GALNT13: variants seen among roughly 807,000 people sequenced by gnomAD.
GALNT13 encodes the protein UDP-GalNAc:polypeptide N-acetylgalactosaminyltransferase 13.
In GALNT13, 28 loss-of-function variants were observed where a neutral mutation model predicts 64.2. The observed-to-expected ratio is 0.44, with a 90% confidence interval of 0.32 to 0.60. The LOEUF is 0.60. Ranked by LOEUF, GALNT13 falls within the 20% of genes least tolerant of loss-of-function variation. GALNT13 has a pLI of 0.05. For missense variants in GALNT13, 577 were observed against 669.8 expected (o/e 0.86, Z 1.53); for synonymous variants, 214 against 224.6 (o/e 0.95, Z 0.42).
At chr2:153,839,291 C>T in the GALNT13 span, among the ~76,000 whole-genome samples, 1 of 151,684 alleles carries the variant, frequency 6.6e-6, no homozygotes, top group South Asian at 2.1e-4. Context: ...ACTTCTAGTA[C>T]TATATTGAAT....
chr2:153,501,940 T>G, the GALNT13 span, among the ~76,000 whole-genome samples: 1 of 152,168 alleles, frequency 6.6e-6, no homozygotes, highest in African/African-American at 2.4e-5. Flanking sequence ...ACTTCTGGCT[T>G]TTGAACTCAC....
chr2:153,426,849 T>G, the GALNT13 span, among the ~76,000 whole-genome samples: 1 of 152,140 alleles, frequency 6.6e-6, no homozygotes, highest in Non-Finnish European at 1.5e-5. Flanking sequence ...GTAGGCTACA[T>G]TGTGAAGATA....
chr2:153,768,314 C>G, the GALNT13 span, among the ~76,000 whole-genome samples: 8 of 152,096 alleles, frequency 5.3e-5, no homozygotes, highest in Non-Finnish European at 8.8e-5. Flanking sequence ...TACATTTGCT[C>G]TATAGTCCAG....
At chr2:154,056,740 T>TATATGTATCA (rs944655065) in intron 3 of GALNT13, among the ~76,000 whole-genome samples, 4 of 152,098 alleles carry the variant, frequency 2.6e-5, no homozygotes, top group African/African-American at 9.7e-5. Context: ...TGTTAGAGTT[T>TATATGTATCA]ATATGTATCA....
the GALNT13 span, among the ~76,000 whole-genome samples, chr2:153,855,388 G>A: frequency 6.6e-6 from 1 of 152,040 alleles, no homozygotes; most frequent in Admixed American, 6.6e-5. Context: ...ATGAAAAATG[G>A]ACAAGGAAAA....
At chr2:153,194,154 T>A in the GALNT13 span, among the ~76,000 whole-genome samples, 3 of 152,180 alleles carry the variant, frequency 2.0e-5, no homozygotes, top group East Asian at 5.8e-4. Flanking sequence ...ACTTAGGAAG[T>A]TTCCAGGTAT....
chr2:154,430,361 G>C (rs933830631), intron 11 of GALNT13, among the ~76,000 whole-genome samples: 1 of 152,160 alleles, frequency 6.6e-6, no homozygotes, highest in African/African-American at 2.4e-5. Context: ...ACTTTGAGGG[G>C]TTCAAGACAT....
the GALNT13 span, among the ~76,000 whole-genome samples, chr2:153,523,040 A>C: frequency 3.0e-5 from 3 of 100,036 alleles, no homozygotes; most frequent in Non-Finnish European, 5.4e-5. Flanking sequence ...GTCTGTGTTT[A>C]CTATTTTTTT....
At chr2:153,715,823 C>T in the GALNT13 span, among the ~76,000 whole-genome samples, 2 of 150,314 alleles carry the variant, frequency 1.3e-5, no homozygotes, top group Admixed American at 1.3e-4. Flanking sequence ...TTTTCTTCTT[C>T]TTCTTCTTCC....
At chr2:153,989,896 T>C (rs1005889775) in intron 3 of GALNT13, among the ~76,000 whole-genome samples, 2 of 151,942 alleles carry the variant, frequency 1.3e-5, no homozygotes, top group African/African-American at 2.4e-5. Flanking sequence ...CAGAAGACAA[T>C]AGAATTAACT....
intron 7 of GALNT13, among the ~76,000 whole-genome samples, chr2:154,249,279 C>G (rs1689945002): frequency 6.6e-6 from 1 of 152,184 alleles, no homozygotes; most frequent in Non-Finnish European, 1.5e-5. Flanking sequence ...AAGTTCTGCA[C>G]ATACAAGCAT....
chr2:153,345,581 C>A, the GALNT13 span, among the ~76,000 whole-genome samples: 1 of 151,722 alleles, frequency 6.6e-6, no homozygotes, highest in Non-Finnish European at 1.5e-5. Context: ...CACACCCTGC[C>A]CCCAACCCCC....
At chr2:153,418,358 A>G in the GALNT13 span, among the ~76,000 whole-genome samples, 1 of 152,198 alleles carries the variant, frequency 6.6e-6, no homozygotes, top group Non-Finnish European at 1.5e-5. Context: ...GACCTCCAGA[A>G]CTGTAAGATA....
At chr2:154,208,711 A>G (rs146941833) in intron 4 of GALNT13, among the ~76,000 whole-genome samples, 2 of 151,416 alleles carry the variant, frequency 1.3e-5, no homozygotes, top group East Asian at 3.9e-4. Flanking sequence ...CTGGTCTAAC[A>G]TTAGATAAGG....
intron 3 of GALNT13, among the ~76,000 whole-genome samples, chr2:154,045,757 C>T (rs1699246106): frequency 6.6e-6 from 1 of 152,180 alleles, no homozygotes; most frequent in African/African-American, 2.4e-5. Flanking sequence ...CAAACAAACC[C>T]TTCCTCCGCT....
chr2:154,203,135 G>A lies in GALNT13; in HGVS notation c.312-38895G>A, dbSNP rs542661017. Reference sequence around the variant, plus strand: ...TAAAACTTATTGTAACCCAGTGTGAGGCATGGGGAGGAGGGAGATACAAAT... The same window carrying A: ...TAAAACTTATTGTAACCCAGTGTGAAGCATGGGGAGGAGGGAGATACAAAT... On this transcript the variant is annotated intron_variant, in intron 4 of 12. Transcript: ENST00000392825. Among the ~76,000 whole-genome samples the A allele has an allele frequency of 3.0e-3, 459 of 152,182 alleles. 7 individuals carry two copies. The highest frequency in any genetic ancestry group is 3.5e-3 in the East Asian group (18 of 5,182).
intron 9 of GALNT13, among the ~76,000 whole-genome samples, chr2:154,363,230 A>G (rs968596556): frequency 6.6e-6 from 1 of 152,156 alleles, no homozygotes; most frequent in Non-Finnish European, 1.5e-5. Flanking sequence ...AGCTCACCCC[A>G]GTTTGAATCA....
intron 8 of GALNT13, among the ~76,000 whole-genome samples, chr2:154,296,733 G>T (rs557897506): frequency 1.3e-5 from 2 of 152,236 alleles, no homozygotes; most frequent in East Asian, 3.9e-4. Flanking sequence ...AATAACTGGG[G>T]TGGGGCTACT....
the GALNT13 span, among the ~76,000 whole-genome samples, chr2:153,804,278 C>A: frequency 3.3e-5 from 5 of 152,146 alleles, no homozygotes; most frequent in Non-Finnish European, 7.4e-5. Context: ...GAGTGATCTT[C>A]CTACCTCAGC....
Sources: gnomAD v4.1 joint callset for allele counts (sites outside exome capture counted in the v4.1 genomes callset) on GRCh38, gnomAD v4.1.1 for gene constraint, MANE v1.5 for transcripts, NCBI Gene and HGNC (gene_info 2026-07-23, HGNC 2026-07-21) for gene names.